HIPK2: variants seen among roughly 807,000 people sequenced by gnomAD.
The protein encoded by HIPK2 is homeodomain interacting protein kinase 2.
HIPK2 carries 27 observed loss-of-function variants against 113.7 expected under a neutral mutation model. That is an observed-to-expected ratio of 0.24 (90% CI 0.17 to 0.33). The LOEUF (loss-of-function observed/expected upper bound fraction) is 0.33, where lower values mean the gene tolerates loss of function less well. Ranked by LOEUF, HIPK2 falls within the 10% of genes least tolerant of loss-of-function variation. HIPK2 has a pLI of 1.00. For synonymous variants in HIPK2, 631 were observed against 642.2 expected, an observed-to-expected ratio of 0.98 and a Z score of 0.26; for missense variants, 1,257 against 1,588.0, an observed-to-expected ratio of 0.79 and a Z score of 3.54.
chr7:139,723,559 C>T (rs1480128099), intron 1 of HIPK2, among the ~76,000 whole-genome samples: 3 of 152,136 alleles, frequency 2.0e-5, no homozygotes, highest in Non-Finnish European at 4.4e-5. Flanking sequence ...TATTTTCCCC[C>T]CACTATTTAC....
Position 139,563,763 on chromosome 7 carries a change from G to A in HIPK2, c.*9164C>T, listed in dbSNP as rs1798013861. 2 of 398,436 alleles carry A rather than the reference G, an allele frequency of 5.0e-6. No homozygotes were observed. The highest frequency in any genetic ancestry group is 7.1e-5 in the East Asian group (2 of 28,082). 24.7% of individuals were successfully genotyped at this position (398,436 alleles called of 1,614,324 possible). On this transcript the variant is annotated 3_prime_UTR_variant, in exon 15 of 15. Coordinates refer to ENST00000406875, the MANE Select transcript of HIPK2 (RefSeq NM_022740.5). ...AACACGCTGTCAATACAGTTCACAG[G>A]GAAAAAGCAAATGTGGTATTTTTTT... is the stretch of plus-strand genomic sequence containing the variant.
chr7:139,728,623 T>A (rs1252531967), intron 1 of HIPK2, among the ~76,000 whole-genome samples: 1 of 152,120 alleles, frequency 6.6e-6, no homozygotes, highest in African/African-American at 2.4e-5. Flanking sequence ...AGTCCCTACC[T>A]CCAAATAAAG....
At chr7:139,753,983 C>T (rs1796323707) in intron 1 of HIPK2, among the ~76,000 whole-genome samples, 4 of 152,256 alleles carry the variant, frequency 2.6e-5, no homozygotes. Flanking sequence ...AGGAGGGCAG[C>T]AGCCCTGCCT....
intron 1 of HIPK2, among the ~76,000 whole-genome samples, chr7:139,718,976 G>A (rs2116964505): frequency 6.6e-6 from 1 of 152,116 alleles, no homozygotes; most frequent in Non-Finnish European, 1.5e-5. Flanking sequence ...CTAATCCAAT[G>A]GCCTTGTTTC....
At chr7:139,710,708 T>TG (rs1254924821) in intron 2 of HIPK2, among the ~76,000 whole-genome samples, 1 of 152,224 alleles carries the variant, frequency 6.6e-6, no homozygotes, top group Non-Finnish European at 1.5e-5. Context: ...TTTGGATCTG[T>TG]GTCCCTACCC....
At chr7:139,663,357 G>A (rs1244819899) in intron 2 of HIPK2, among the ~76,000 whole-genome samples, 1 of 152,172 alleles carries the variant, frequency 6.6e-6, no homozygotes, top group Non-Finnish European at 1.5e-5. Context: ...TACAGCTCAG[G>A]GGCAGCAGTG....
chr7:139,592,297 AGACACTT>A, intron 12 of HIPK2, among the ~76,000 whole-genome samples: 1 of 152,232 alleles, frequency 6.6e-6, no homozygotes. Flanking sequence ...AGCCTGCAGG[AGACACTT>A]GATGACCTAA....
rs573290316 is a variant in HIPK2, at chr7:139,715,705, C to T, written c.1103+227G>A. Among the ~76,000 whole-genome samples the T allele has an allele frequency of 5.3e-5, 8 of 152,330 alleles. No homozygotes were observed. The South Asian group carries it at 1.2e-3, about 24-fold the overall frequency. ...GCACCCCAGGTCCCAGGGAGCCCTT[C>T]CAACGCTGAACACCTGTGCCACGGA... On this transcript the variant is annotated intron_variant, in intron 2 of 14. Coordinates refer to ENST00000406875, the MANE Select transcript of HIPK2 (RefSeq NM_022740.5).
At chr7:139,581,713 C>T (rs1418916262) in intron 13 of HIPK2, among the ~76,000 whole-genome samples, 2 of 152,150 alleles carry the variant, frequency 1.3e-5, no homozygotes, top group African/African-American at 4.8e-5. Flanking sequence ...GGCTGCTTTC[C>T]CGACTTTTCC....
chr7:139,694,874 A>C (rs1263937985), intron 2 of HIPK2, among the ~76,000 whole-genome samples: 1 of 152,230 alleles, frequency 6.6e-6, no homozygotes, highest in African/African-American at 2.4e-5. Flanking sequence ...AGTTGCATGC[A>C]GACATTACAA....
intron 8 of HIPK2, among the ~76,000 whole-genome samples, 184 bp downstream of exon 8, chr7:139,614,102 A>T (rs1464535290): frequency 3.3e-5 from 5 of 152,176 alleles, no homozygotes; most frequent in Admixed American, 6.5e-5. Context: ...CATAAGCCCT[A>T]TTGTTTCTAG....
intron 1 of HIPK2, among the ~76,000 whole-genome samples, chr7:139,735,897 A>C (rs1358144199): frequency 6.6e-6 from 1 of 152,230 alleles, no homozygotes; most frequent in Non-Finnish European, 1.5e-5. Context: ...CACAATATGA[A>C]AATAAGATAA....
chr7:139,634,381 A>G (rs901196473), intron 2 of HIPK2, among the ~76,000 whole-genome samples: 1 of 151,906 alleles, frequency 6.6e-6, no homozygotes, highest in Admixed American at 6.6e-5. Flanking sequence ...TGGACTGCGC[A>G]TGTATTGTCA....
chr7:139,744,364 A>G (rs1043159430), intron 1 of HIPK2, among the ~76,000 whole-genome samples: 13 of 152,252 alleles, frequency 8.5e-5, no homozygotes, highest in Non-Finnish European at 2.9e-5. Context: ...TGTCCAGGAC[A>G]GGCAAACCCA....
At position 139,630,023 on chromosome 7, in the gene HIPK2, T is replaced by G. The variant is rs1043692573; in HGVS notation, c.1348-984A>C. Among the ~76,000 whole-genome samples the G allele has an allele frequency of 1.3e-5, 2 of 151,944 alleles. No homozygotes were observed. The highest frequency in any genetic ancestry group is 3.2e-3 in the Middle Eastern group (1 of 316). On this transcript the variant is annotated intron_variant, in intron 4 of 14. Coordinates refer to ENST00000406875, the MANE Select transcript of HIPK2 (RefSeq NM_022740.5). This position sits in a 1 kb window ranked among gnomAD's most constrained non-coding sequence, Gnocchi z 4.0. ...TATTATCTTTAAACCATATTAGGAT[T>G]TGGCTGCAGATTCCATTAAAAAAAC...
chr7:139,695,643 A>G (rs1794540459), intron 2 of HIPK2, among the ~76,000 whole-genome samples: 1 of 152,262 alleles, frequency 6.6e-6, no homozygotes, highest in Non-Finnish European at 1.5e-5. Context: ...TAAAACCCAT[A>G]TAAACTTCCA....
At chr7:139,761,866 T>TA (rs527942555) in intron 1 of HIPK2, among the ~76,000 whole-genome samples, 1 of 151,974 alleles carries the variant, frequency 6.6e-6, no homozygotes, top group Admixed American at 6.6e-5. Context: ...TCATTTTGGT[T>TA]AAAAAAATGT....
chr7:139,605,833 G>A (rs1397869457), intron 9 of HIPK2, among the ~76,000 whole-genome samples: 3 of 152,138 alleles, frequency 2.0e-5, no homozygotes, highest in Admixed American at 6.5e-5. Context: ...TGTATTTCAG[G>A]TTTACTTAAC....
intron 12 of HIPK2, among the ~76,000 whole-genome samples, chr7:139,596,040 A>T (rs1432030823): frequency 2.0e-5 from 3 of 152,112 alleles, no homozygotes; most frequent in African/African-American, 7.2e-5. Flanking sequence ...ACTGTTCTAG[A>T]GGGGTTGCTC....
Sources: allele counts gnomAD v4.1 joint callset (sites outside exome capture counted in the v4.1 genomes callset), GRCh38; gene constraint gnomAD v4.1.1; non-coding constraint Gnocchi (gnomAD v3.1); transcripts MANE v1.5; gene names NCBI Gene and HGNC (gene_info 2026-07-23, HGNC 2026-07-21).